The following MBD5 variants were observed in gnomAD, a reference collection of about 807,000 sequenced individuals.
The protein encoded by MBD5 is methyl-CpG binding domain protein 5, also known as methyl-CpG-binding domain protein 5.
MBD5 carries 13 observed loss-of-function variants against 117.3 expected under a neutral mutation model. The ratio of observed to expected loss-of-function variants is 0.11; its 90% CI spans 0.07 to 0.18. The LOEUF (loss-of-function observed/expected upper bound fraction) is 0.18. Among genes scored for constraint, MBD5 ranks in the 10% least tolerant of loss-of-function variants. The pLI is 1.00. For missense variants in MBD5, 1,879 were observed against 2,093.8 expected (o/e 0.90, Z 2.00); for synonymous variants, 727 against 766.4 (o/e 0.95, Z 0.85).
rs529826247 is a variant in MBD5 at position 148,150,813 on chromosome 2, G to T, written c.-924-27887G>T. Among the ~76,000 whole-genome samples the T allele has an allele frequency of 5.3e-5, 8 of 152,286 alleles. No individual in the cohort carries two copies. In the East Asian group the frequency reaches 9.7e-4, roughly 18 times the overall value. On this transcript the variant is annotated intron_variant, in intron 1 of 13. Coordinates refer to ENST00000642680, the MANE Select transcript of MBD5 (RefSeq NM_001378120.1). ...TTTTGTATCCTGAGACTTTGCTGAA[G>T]TTGCTTATCAGCTTAAGGAGATTTT...
At chr2:148,085,541 G>A (rs1695756933) in intron 1 of MBD5, among the ~76,000 whole-genome samples, 1 of 151,726 alleles carries the variant, frequency 6.6e-6, no homozygotes, top group South Asian at 2.1e-4. Flanking sequence ...CGGCTAAAAC[G>A]GTGAAACCCC....
At chr2:148,255,189 C>A (rs1241238069) in intron 3 of MBD5, among the ~76,000 whole-genome samples, 1 of 152,196 alleles carries the variant, frequency 6.6e-6, no homozygotes, top group Non-Finnish European at 1.5e-5. Flanking sequence ...GTCCCTCAGG[C>A]AACATAGAAG....
chr2:148,372,200 G>A (rs1026993499), intron 4 of MBD5, among the ~76,000 whole-genome samples: 5 of 152,038 alleles, frequency 3.3e-5, no homozygotes, highest in Non-Finnish European at 7.4e-5. Context: ...TCCAAATCAC[G>A]TTATCTAAAG....
intron 4 of MBD5, among the ~76,000 whole-genome samples, chr2:148,353,243 T>C (rs979454648): frequency 1.3e-5 from 2 of 152,152 alleles, no homozygotes; most frequent in Non-Finnish European, 2.9e-5. Context: ...GTATTTGGGA[T>C]TCTGACCTTT....
chr2:148,471,892 AATTTT>A (rs1436464682), intron 8 of MBD5: 1 of 152,104 alleles, frequency 6.6e-6, no homozygotes, highest in Non-Finnish European at 1.5e-5. Context: ...CACAAATGAA[AATTTT>A]ATTTTATCTA....
At chr2:148,377,235 C>G (rs951864537) in intron 4 of MBD5, among the ~76,000 whole-genome samples, 1 of 152,058 alleles carries the variant, frequency 6.6e-6, no homozygotes, top group African/African-American at 2.4e-5. Context: ...AGGATGTAGG[C>G]TGGGAGGCTA....
At chr2:148,099,820 A>AG (rs943720178) in intron 1 of MBD5, among the ~76,000 whole-genome samples, 1 of 152,174 alleles carries the variant, frequency 6.6e-6, no homozygotes, top group Non-Finnish European at 1.5e-5. Context: ...CAGTTTTCCA[A>AG]GGTCTACTTT....
intron 4 of MBD5, among the ~76,000 whole-genome samples, chr2:148,369,923 A>G (rs546449827): frequency 3.3e-5 from 5 of 152,158 alleles, no homozygotes; most frequent in Non-Finnish European, 7.4e-5. Flanking sequence ...AACACATAAA[A>G]CTACTACATC....
chr2:148,126,596 C>T (rs1390207490), intron 1 of MBD5, among the ~76,000 whole-genome samples: 2 of 152,042 alleles, frequency 1.3e-5, no homozygotes, highest in African/African-American at 2.4e-5. Flanking sequence ...AAAAACGAAG[C>T]AATCCTTGTT....
chr2:148,107,931 T>C (rs1696410197), intron 1 of MBD5, among the ~76,000 whole-genome samples: 1 of 152,186 alleles, frequency 6.6e-6, no homozygotes, highest in South Asian at 2.1e-4. Flanking sequence ...AGAACAGTAT[T>C]AGTACAATAC....
chr2:148,164,525 AG>A (rs1459371284), intron 1 of MBD5, among the ~76,000 whole-genome samples: 1 of 152,208 alleles, frequency 6.6e-6, no homozygotes. Flanking sequence ...ACCAAACATT[AG>A]CCATATAAAA....
intron 1 of MBD5, among the ~76,000 whole-genome samples, chr2:148,066,704 C>G (rs762836780): frequency 2.0e-5 from 3 of 152,158 alleles, no homozygotes; most frequent in Admixed American, 6.5e-5. Flanking sequence ...TCTTGAACTC[C>G]TGAGCTCAGG....
At chr2:148,044,017 A>T (rs1023476847) in intron 1 of MBD5, among the ~76,000 whole-genome samples, 16 of 152,210 alleles carry the variant, frequency 1.1e-4, no homozygotes, top group African/African-American at 3.9e-4. Flanking sequence ...GAATTAAATT[A>T]AAAATATATG....
chr2:148,081,053 A>G (rs554121768), intron 1 of MBD5, among the ~76,000 whole-genome samples: 2 of 152,328 alleles, frequency 1.3e-5, no homozygotes, highest in South Asian at 2.1e-4. Context: ...AGGATATTTC[A>G]TGTACCCAAA....
intron 3 of MBD5, among the ~76,000 whole-genome samples, chr2:148,287,816 C>G (rs1237964599): frequency 1.3e-5 from 2 of 152,100 alleles, no homozygotes; most frequent in African/African-American, 4.8e-5. Context: ...ATGATAACAA[C>G]ATTAATTCAT....
At chr2:148,154,122 G>A (rs1285412930) in intron 1 of MBD5, among the ~76,000 whole-genome samples, 2 of 84,128 alleles carry the variant, frequency 2.4e-5, no homozygotes, top group African/African-American at 8.1e-5. Context: ...GTTTTGGTGT[G>A]GATGTCCTTT....
At chr2:148,443,684 A>T (rs1221036655) in intron 4 of MBD5, among the ~76,000 whole-genome samples, 1 of 151,212 alleles carries the variant, frequency 6.6e-6, no homozygotes, top group Non-Finnish European at 1.5e-5. Flanking sequence ...GGAGCTAAAA[A>T]CTAAAATAAT....
intron 1 of MBD5, among the ~76,000 whole-genome samples, chr2:148,079,749 C>T (rs572128640): frequency 3.4e-4 from 51 of 151,782 alleles, no homozygotes; most frequent in African/African-American, 1.1e-3. Context: ...CCCAGCTACT[C>T]TAGAGGCTGA....
chr2:148,094,182 T>C (rs952991243), intron 1 of MBD5, among the ~76,000 whole-genome samples: 10 of 152,208 alleles, frequency 6.6e-5, no homozygotes, highest in African/African-American at 2.4e-4. Context: ...ATATTGTTAC[T>C]TGTATGTTGA....
Sources: gnomAD v4.1 joint callset for allele counts (sites outside exome capture counted in the v4.1 genomes callset) on GRCh38, gnomAD v4.1.1 for gene constraint, MANE v1.5 for transcripts, NCBI Gene and HGNC (gene_info 2026-07-23, HGNC 2026-07-21) for gene names.